EXOC6B: variants seen among roughly 807,000 people sequenced by gnomAD.
The protein encoded by EXOC6B is exocyst complex component 6B.
A neutral mutation model predicts 113.5 loss-of-function variants in EXOC6B; 54 were observed. That is an observed-to-expected ratio of 0.48 (90% CI 0.38 to 0.60). EXOC6B has a LOEUF of 0.60. EXOC6B is among the 20% of genes least tolerant of loss of function. The pLI is 0.00. For missense variants in EXOC6B, 797 were observed against 977.5 expected (o/e 0.82, Z 2.46); for synonymous variants, 357 against 339.0 (o/e 1.05, Z -0.58).
At chr2:72,515,646 T>G in intron 8 of EXOC6B, 1 of 989,234 alleles carries the variant, frequency 1.0e-6, no homozygotes, top group Non-Finnish European at 1.2e-6. Context: ...AACAAAAGCA[T>G]GAAGATTCCT....
At chr2:72,295,889 G>A (rs12467816) in intron 20 of EXOC6B, among the ~76,000 whole-genome samples, 5,345 of 151,896 alleles carry the variant, frequency 0.035, 128 homozygotes, top group Non-Finnish European at 0.051. Context: ...ATTTTTTTCC[G>A]AATGTAGAAA....
At chr2:72,567,373 T>C (rs1197699526) in intron 7 of EXOC6B, among the ~76,000 whole-genome samples, 1 of 152,020 alleles carries the variant, frequency 6.6e-6, no homozygotes, top group Non-Finnish European at 1.5e-5. Context: ...TTTCTGGGTA[T>C]TATATAATTA....
At chr2:72,322,276 G>C (rs1348391030) in intron 20 of EXOC6B, among the ~76,000 whole-genome samples, 1 of 152,208 alleles carries the variant, frequency 6.6e-6, no homozygotes, top group East Asian at 1.9e-4. Flanking sequence ...CAACACCATG[G>C]ATGAATCTCA....
intron 17 of EXOC6B, among the ~76,000 whole-genome samples, chr2:72,465,749 T>C (rs1355676461): frequency 1.3e-5 from 2 of 152,218 alleles, no homozygotes; most frequent in East Asian, 1.9e-4. Context: ...CACAGACTTG[T>C]GCAGAGTAAG....
chr2:72,623,399 A>G (rs548045747), intron 6 of EXOC6B, among the ~76,000 whole-genome samples: 58 of 152,296 alleles, frequency 3.8e-4, no homozygotes, highest in African/African-American at 1.4e-3. Flanking sequence ...TTATTTAGAC[A>G]CCAGGGTAAA....
chr2:72,244,545 G>A (rs1455103019), intron 20 of EXOC6B, among the ~76,000 whole-genome samples: 1 of 151,810 alleles, frequency 6.6e-6, no homozygotes, highest in African/African-American at 2.4e-5. Flanking sequence ...AGAAAAAAAA[G>A]CAATAAAAAT....
chr2:72,497,068 G>A (rs1700074775), intron 13 of EXOC6B, among the ~76,000 whole-genome samples: 2 of 150,904 alleles, frequency 1.3e-5, no homozygotes, highest in African/African-American at 4.9e-5. Context: ...CAAACTCTGG[G>A]GCTCAAGCAA....
intron 6 of EXOC6B, among the ~76,000 whole-genome samples, chr2:72,689,507 T>C (rs1270621978): frequency 2.6e-5 from 4 of 152,232 alleles, no homozygotes; most frequent in Non-Finnish European, 5.9e-5. Context: ...CTGGGATTCC[T>C]AATGATATAA....
At chr2:72,573,287 C>T (rs1480242078) in intron 7 of EXOC6B, among the ~76,000 whole-genome samples, 3 of 152,162 alleles carry the variant, frequency 2.0e-5, no homozygotes, top group African/African-American at 7.2e-5. Flanking sequence ...AGCCCATAAG[C>T]CACAGTATCT....
intron 7 of EXOC6B, among the ~76,000 whole-genome samples, chr2:72,565,842 G>A (rs569823594): frequency 6.6e-6 from 1 of 152,248 alleles, no homozygotes; most frequent in South Asian, 2.1e-4. Flanking sequence ...CATTGCTGGG[G>A]TGGGTGGTGG....
At chr2:72,397,620 A>AAAAAAAAAAAAAATAAAATAAAATAAAAT (rs1692809975) in intron 18 of EXOC6B, among the ~76,000 whole-genome samples, 1 of 106,310 alleles carries the variant, frequency 9.4e-6, no homozygotes, top group African/African-American at 8.3e-5. Flanking sequence ...CTCATCTCAA[A>AAAAAAAAAAAAAATAAAATAAAATAAAAT]AAAAAAAAAT....
At chr2:72,789,866 G>A (rs952095152) in intron 1 of EXOC6B, among the ~76,000 whole-genome samples, 9 of 152,062 alleles carry the variant, frequency 5.9e-5, no homozygotes. Context: ...CAAAGGGCAG[G>A]GGGGAACTTG....
intron 6 of EXOC6B, among the ~76,000 whole-genome samples, chr2:72,692,512 C>T (rs1190211681): frequency 2.6e-5 from 4 of 151,916 alleles, no homozygotes; most frequent in Non-Finnish European, 5.9e-5. Context: ...CCACCATGCC[C>T]GGCTAATTTT....
chr2:72,547,341 G>C (rs141200319), intron 8 of EXOC6B, among the ~76,000 whole-genome samples: 1 of 152,204 alleles, frequency 6.6e-6, no homozygotes, highest in Non-Finnish European at 1.5e-5. Context: ...CTGGACCCAA[G>C]ATGTCAGAAA....
intron 18 of EXOC6B, among the ~76,000 whole-genome samples, chr2:72,434,207 T>A (rs1234076001): frequency 6.6e-6 from 1 of 152,214 alleles, no homozygotes; most frequent in African/African-American, 2.4e-5. Flanking sequence ...GAATTACATT[T>A]GTTGATTTGC....
intron 19 of EXOC6B, among the ~76,000 whole-genome samples, chr2:72,336,262 A>G (rs1277469533): frequency 6.6e-6 from 1 of 152,180 alleles, no homozygotes; most frequent in East Asian, 1.9e-4. Flanking sequence ...ATCTATCAAG[A>G]TATTTGCATA....
chr2:72,447,305 T>C (rs1463456830), intron 18 of EXOC6B, among the ~76,000 whole-genome samples: 1 of 152,192 alleles, frequency 6.6e-6, no homozygotes, highest in Non-Finnish European at 1.5e-5. Context: ...CATTAAAACT[T>C]AACATAGTGC....
intron 19 of EXOC6B, among the ~76,000 whole-genome samples, chr2:72,362,735 C>A (rs1036993389): frequency 2.0e-5 from 3 of 152,064 alleles, no homozygotes; most frequent in Admixed American, 2.0e-4. Context: ...CTGCAAAATG[C>A]AAGTTCCTTC....
At position 72,378,675 on chromosome 2, in the gene EXOC6B, A is replaced by G. The variant is rs148279449; in HGVS notation, c.2122+1054T>C. On this transcript the variant is annotated intron_variant, in intron 19 of 21. Transcript: ENST00000272427. ...TAAAACCTTAATTTCCATACATCAA[A>G]AGTCAACCAAAGGAAACTAATAAGT... Among the ~76,000 whole-genome samples the G allele has an allele frequency of 3.7e-3, 571 of 152,312 alleles. 6 individuals carry two copies. The highest frequency in any genetic ancestry group is 0.013 in the African/African-American group (550 of 41,574).
Sources: gnomAD v4.1 joint callset for allele counts (sites outside exome capture counted in the v4.1 genomes callset) on GRCh38, gnomAD v4.1.1 for gene constraint, MANE v1.5 for transcripts, NCBI Gene and HGNC (gene_info 2026-07-23, HGNC 2026-07-21) for gene names.